IGFL4: variants seen among roughly 807,000 people sequenced by gnomAD.
The protein encoded by IGFL4 is IGF like family member 4, also known as insulin growth factor-like family member 4.
IGFL4 carries 12 observed loss-of-function variants against 15.4 expected under a neutral mutation model. That is an observed-to-expected ratio of 0.78 (90% CI 0.50 to 1.26). The LOEUF (loss-of-function observed/expected upper bound fraction) is 1.26. Among genes scored for constraint, IGFL4 ranks in the 50% most tolerant of loss-of-function variants. The pLI, the probability that IGFL4 is intolerant of heterozygous loss-of-function variation, is 0.00. For synonymous variants in IGFL4, 54 were observed against 55.9 expected, an observed-to-expected ratio of 0.97 and a Z score of 0.16; for missense variants, 126 against 147.8, an observed-to-expected ratio of 0.85 and a Z score of 0.76.
chr19:46,075,577 A>G (rs920759915), intron 1 of IGFL4, among the ~76,000 whole-genome samples: 5 of 152,196 alleles, frequency 3.3e-5, no homozygotes, highest in Admixed American at 3.3e-4. Context: ...GCAAGATAAC[A>G]GAGGTAAAGT....
rs529430977 is a variant in IGFL4 at position 46,063,392 on chromosome 19, A to T, written c.-431-3099T>A. 3.5e-4 allele frequency among the ~76,000 whole-genome samples: 53 copies of T among 151,556 alleles called. No homozygotes were observed. In the East Asian group the frequency reaches 8.6e-3, roughly 24 times the overall value. On this transcript the variant is annotated intron_variant, in intron 1 of 5. Coordinates refer to the IGFL4 transcript ENST00000601672. ...ATACACGATCCCTCTGTCCTCTTTTATGTCATCACTAACTCAGTTCAAAGA... is the reference window on the plus strand; with the variant it reads ...ATACACGATCCCTCTGTCCTCTTTTTTGTCATCACTAACTCAGTTCAAAGA...
upstream of IGFL4, among the ~76,000 whole-genome samples, chr19:46,042,542 A>C (rs1303889861): frequency 6.6e-6 from 1 of 152,250 alleles, no homozygotes; most frequent in African/African-American, 2.4e-5. Context: ...TGAACTATCT[A>C]TGTAGAAAAT....
intron 1 of IGFL4, among the ~76,000 whole-genome samples, chr19:46,076,127 G>C (rs1600682067): frequency 6.6e-6 from 1 of 152,184 alleles, no homozygotes; most frequent in East Asian, 1.9e-4. Context: ...GGGGAAACAA[G>C]AACAGACTTC....
chr19:46,050,200 AG>A (rs1969332852), intron 2 of IGFL4, among the ~76,000 whole-genome samples: 2 of 152,236 alleles, frequency 1.3e-5, no homozygotes, highest in Non-Finnish European at 2.9e-5. Context: ...CCTCTGACAT[AG>A]TCTGCCCAAA....
chr19:46,072,822 T>C (rs1363483454), intron 1 of IGFL4, among the ~76,000 whole-genome samples: 1 of 152,002 alleles, frequency 6.6e-6, no homozygotes, highest in Non-Finnish European at 1.5e-5. Flanking sequence ...GCAGAGAAAA[T>C]GTTGGCTTGG....
At chr19:46,053,291 T>TGCAACCTCCACCTCCCAGG (rs1313458888) in intron 2 of IGFL4, among the ~76,000 whole-genome samples, 1 of 152,218 alleles carries the variant, frequency 6.6e-6, no homozygotes, top group Non-Finnish European at 1.5e-5. Flanking sequence ...CTCAGCTCAC[T>TGCAACCTCCACCTCCCAGG]GCAACCTCCA....
chr19:46,066,286 A>AC (rs1969493911), intron 1 of IGFL4, among the ~76,000 whole-genome samples: 1 of 152,198 alleles, frequency 6.6e-6, no homozygotes, highest in African/African-American at 2.4e-5. Context: ...CCCAAGTGTT[A>AC]CCCAAAACAT....
chr19:46,067,286 C>T (rs961997240), intron 1 of IGFL4, among the ~76,000 whole-genome samples: 5 of 152,192 alleles, frequency 3.3e-5, no homozygotes, highest in African/African-American at 4.8e-5. Context: ...CCCAGGCCCT[C>T]GCTGTTTTCC....
At chr19:46,064,921 TTC>T (rs1158471614) in intron 1 of IGFL4, among the ~76,000 whole-genome samples, 1 of 152,028 alleles carries the variant, frequency 6.6e-6, no homozygotes, top group Non-Finnish European at 1.5e-5. Flanking sequence ...TGTATGAGGG[TTC>T]CCTTTTCTCC....
chr19:46,077,596 T>C (rs1020900109), upstream of IGFL4, among the ~76,000 whole-genome samples: 6 of 151,932 alleles, frequency 3.9e-5, no homozygotes, highest in Non-Finnish European at 8.8e-5. The surrounding 1 kb of genome is among the most constrained non-coding windows in gnomAD (Gnocchi z 5.4). Flanking sequence ...CCCAAGAAAG[T>C]GATAGCGACA....
intron 2 of IGFL4, among the ~76,000 whole-genome samples, chr19:46,052,678 C>T (rs1427104604): frequency 1.3e-5 from 2 of 150,764 alleles, no homozygotes; most frequent in East Asian, 3.9e-4. Context: ...GCCGAGATTG[C>T]GCCATTGCAC....
At chr19:46,052,565 T>C (rs1969355051) in intron 2 of IGFL4, among the ~76,000 whole-genome samples, 1 of 151,960 alleles carries the variant, frequency 6.6e-6, no homozygotes, top group Non-Finnish European at 1.5e-5. Flanking sequence ...CTACTAAAAA[T>C]ACAAAAATTA....
rs180807182 is a variant in IGFL4 at position 46,068,595 on chromosome 19, C to T, written c.-431-8302G>A. Among the ~76,000 whole-genome samples the T allele has an allele frequency of 3.3e-3, 495 of 152,282 alleles. 2 individuals are homozygous for T. Among genetic ancestry groups the T allele is most frequent in the African/African-American group, 0.011 (465 of 41,558 alleles). On this transcript the variant is annotated intron_variant, in intron 1 of 5. Transcript: ENST00000601672. Reference sequence around the variant, plus strand: ...AAAGCCCTTGTTTGTTGAAGGGTTTCAAAGTCTGGTAGGAGGGTGGTGCAC... The same window carrying T: ...AAAGCCCTTGTTTGTTGAAGGGTTTTAAAGTCTGGTAGGAGGGTGGTGCAC...
upstream of IGFL4, among the ~76,000 whole-genome samples, chr19:46,044,787 G>A (rs866987009): frequency 2.0e-5 from 3 of 152,276 alleles, no homozygotes; most frequent in South Asian, 6.2e-4. Context: ...CATCTTTGCT[G>A]TTTTGCAGCC....
At position 46,039,297 on chromosome 19, in the gene IGFL4, T is replaced by A. The variant is rs1969211324; in HGVS notation, c.*595A>T. Among the ~76,000 whole-genome samples the A allele has an allele frequency of 6.9e-6, 1 of 144,744 alleles. No individual in the cohort carries two copies. 95.0% of individuals were successfully genotyped at this position (144,744 alleles called of 152,430 possible). ...CCATGCTGTTTTGGTTACTGTAGCC[T>A]TATAGTATAGTTTGAAGTCAGGTAG... On this transcript the variant is annotated 3_prime_UTR_variant, in exon 4 of 4. Coordinates refer to ENST00000377697, the MANE Select transcript of IGFL4 (RefSeq NM_001002923.3).
chr19:46,073,964 A>G (rs1476494065), intron 1 of IGFL4, among the ~76,000 whole-genome samples: 1 of 151,330 alleles, frequency 6.6e-6, no homozygotes, highest in Non-Finnish European at 1.5e-5. Flanking sequence ...CTTTCTTAGT[A>G]GCTTAAAAAA....
At chr19:46,055,068 G>A (rs1253851246) in intron 2 of IGFL4, among the ~76,000 whole-genome samples, 1 of 152,136 alleles carries the variant, frequency 6.6e-6, no homozygotes, top group Admixed American at 6.5e-5. Flanking sequence ...GAAATGAAGA[G>A]AACTGCTGTA....
At chr19:46,051,663 A>G (rs1326346571) in intron 2 of IGFL4, among the ~76,000 whole-genome samples, 1 of 152,144 alleles carries the variant, frequency 6.6e-6, no homozygotes, top group African/African-American at 2.4e-5. Flanking sequence ...CAGTGGCCTA[A>G]ATGCTCCACT....
intron 1 of IGFL4, among the ~76,000 whole-genome samples, chr19:46,067,397 T>C (rs10404757): frequency 0.017 from 2,647 of 152,222 alleles, 88 homozygotes; most frequent in African/African-American, 0.061. Context: ...ATGAGCTTCC[T>C]TGCATGCCTT....
Sources: gnomAD v4.1 joint callset for allele counts (sites outside exome capture counted in the v4.1 genomes callset) on GRCh38, gnomAD v4.1.1 for gene constraint, Gnocchi (gnomAD v3.1) non-coding constraint, MANE v1.5 for transcripts, NCBI Gene and HGNC (gene_info 2026-07-23, HGNC 2026-07-21) for gene names.